SLIT1: variants seen among roughly 807,000 people sequenced by gnomAD.
The protein encoded by SLIT1 is slit homolog 1 protein.
A neutral mutation model predicts 186.1 loss-of-function variants in SLIT1; 66 were observed. The ratio of observed to expected loss-of-function variants is 0.35; its 90% CI spans 0.29 to 0.44. SLIT1 has a LOEUF of 0.44. SLIT1 is among the 20% of genes least tolerant of loss of function. The pLI, the probability that SLIT1 is intolerant of heterozygous loss-of-function variation, is 1.00. For missense variants in SLIT1, 1,638 were observed against 2,037.4 expected, an observed-to-expected ratio of 0.80 and a Z score of 3.77; for synonymous variants, 761 against 833.8, an observed-to-expected ratio of 0.91 and a Z score of 1.50.
chr10:97,065,611 C>T (rs1043650287), intron 5 of SLIT1: 25 of 184,572 alleles, frequency 1.4e-4, no homozygotes, highest in Non-Finnish European at 2.5e-4. Flanking sequence ...AACAATATAT[C>T]GAGGCTCAGC....
chr10:97,004,100 G>A lies in SLIT1; in HGVS notation c.3833C>T (p.Thr1278Met). The A allele has an allele frequency of 6.2e-7, 1 of 1,613,528 alleles. No individual in the cohort carries two copies. The highest frequency in any genetic ancestry group is 8.5e-7 in the Non-Finnish European group (1 of 1,179,484). The part of the protein sequence containing the change: ...MTMDNFGKHY[T>M]LNSEAPLYVG... ...ATAGAGTGGCGCCTCGCTGTTGAGC[G>A]TGTAATGTTTGCCAAAGTTGTCCAT... The change falls in exon 34 of 37, where the codon ACG becomes ATG. Residue 1278 changes from threonine (T) to methionine (M), a missense_variant. Thr to Met is a moderately conservative substitution (Grantham distance 81). Transcript: ENST00000266058. This position sits in a 1 kb window ranked among gnomAD's most constrained non-coding sequence, Gnocchi z 5.1.
chr10:97,089,519 GATGA>G (rs1849206994), intron 4 of SLIT1, among the ~76,000 whole-genome samples: 1 of 152,222 alleles, frequency 6.6e-6, no homozygotes, highest in Non-Finnish European at 1.5e-5. Context: ...AGACTCTGAA[GATGA>G]GTGTGAAGCC....
chr10:97,010,822 CTT>C lies in SLIT1; in HGVS notation c.3341+169_3341+170del, dbSNP rs941531654. Among the ~76,000 whole-genome samples, 1 of 152,218 alleles carries C rather than the reference CTT, an allele frequency of 6.6e-6. No individual in the cohort carries two copies. The highest frequency in any genetic ancestry group is 1.5e-5 in the Non-Finnish European group (1 of 68,022). On this transcript the variant is annotated intron_variant, in intron 31 of 36. Transcript: ENST00000266058. This position sits in a 1 kb window ranked among gnomAD's most constrained non-coding sequence, Gnocchi z 4.8. ...GCCTAGGCCCTGGGCAGTTACATGA[CTT>C]TCCCAAGGCTGCACAGCTGGTGACT...
intron 1 of SLIT1, among the ~76,000 whole-genome samples, chr10:97,166,569 G>GAGAGAGAGAGAGAGAGAAAGAAAGAA (rs1444883867): frequency 1.7e-5 from 1 of 58,912 alleles, no homozygotes; most frequent in Non-Finnish European, 3.4e-5. Context: ...GAGAGAGAGA[G>GAGAGAGAGAGAGAGAGAAAGAAAGAA]AGAAAGAAAG....
At chr10:97,070,507 C>T (rs1848992656) in intron 4 of SLIT1, among the ~76,000 whole-genome samples, 2 of 152,198 alleles carry the variant, frequency 1.3e-5, no homozygotes, top group South Asian at 4.1e-4. Flanking sequence ...TCTGAATTAT[C>T]GTTTCCTCTC....
At chr10:97,154,218 A>G (rs1289126058) in intron 4 of SLIT1, 1 of 152,230 alleles carries the variant, frequency 6.6e-6, no homozygotes, top group East Asian at 1.9e-4. Context: ...AAGGTGAAGA[A>G]CCCGGTAAGC....
At chr10:97,079,004 G>T (rs985948027) in intron 4 of SLIT1, among the ~76,000 whole-genome samples, 1 of 152,234 alleles carries the variant, frequency 6.6e-6, no homozygotes, top group Non-Finnish European at 1.5e-5. Context: ...GGAGGACAAA[G>T]AATTGATGTA....
At chr10:97,012,660 C>T (rs1019282981) in intron 30 of SLIT1, among the ~76,000 whole-genome samples, 4 of 152,220 alleles carry the variant, frequency 2.6e-5, no homozygotes, top group African/African-American at 9.6e-5. Context: ...CCCCTGGGAG[C>T]CCCCACAGGA....
chr10:97,001,820 C>T (rs1589358744), intron 36 of SLIT1, among the ~76,000 whole-genome samples: 1 of 152,154 alleles, frequency 6.6e-6, no homozygotes. Context: ...GAGTCCCCAA[C>T]CCTCGGACTT....
rs756996235 is a variant in SLIT1, at chr10:97,056,293, GAGA to G, written c.1301+25_1301+27del. The G allele has an allele frequency of 9.2e-4, 1,480 of 1,612,528 alleles. 2 individuals carry two copies. The highest frequency in any genetic ancestry group is 1.2e-3 in the Non-Finnish European group (1,359 of 1,178,742). On this transcript the variant is annotated intron_variant, in intron 13 of 36. Coordinates refer to ENST00000266058, the MANE Select transcript of SLIT1 (RefSeq NM_003061.3). ...CCCCCAGGCCCACCTGCTGGGAGGG[GAGA>G]AGAAGAAGGCATCAGGGCACTCACA...
intron 25 of SLIT1, among the ~76,000 whole-genome samples, chr10:97,023,492 G>C (rs1234890666): frequency 6.6e-6 from 1 of 152,086 alleles, no homozygotes; most frequent in Non-Finnish European, 1.5e-5. Context: ...CACTTACACT[G>C]GCCATCAGTA....
chr10:97,091,994 G>A (rs1303259904), intron 4 of SLIT1, among the ~76,000 whole-genome samples: 2 of 152,210 alleles, frequency 1.3e-5, no homozygotes, highest in East Asian at 1.9e-4. Flanking sequence ...GAAGGTTTTC[G>A]GCTAACCATT....
intron 3 of SLIT1, 103 bp downstream of exon 3, chr10:97,163,277 T>G (rs1589417351): frequency 2.1e-6 from 2 of 953,582 alleles, no homozygotes. Flanking sequence ...GGGCATGGGG[T>G]CCCCTCCCAT....
intron 1 of SLIT1, among the ~76,000 whole-genome samples, chr10:97,177,565 A>G (rs1276595952): frequency 6.6e-6 from 1 of 152,258 alleles, no homozygotes; most frequent in Non-Finnish European, 1.5e-5. Flanking sequence ...TGGAAGTTAG[A>G]AGTCCAAAAT....
chr10:97,126,155 G>T (rs1424354197), intron 4 of SLIT1, among the ~76,000 whole-genome samples: 1 of 152,206 alleles, frequency 6.6e-6, no homozygotes, highest in Non-Finnish European at 1.5e-5. Context: ...CTAGGTATTA[G>T]ATTTTTAATA....
In SLIT1 at chr10:97,006,524, T is replaced by C. The variant is rs781558828; in HGVS notation, c.3538A>G (p.Thr1180Ala). 6.2e-7 allele frequency: 1 copy of C among 1,614,050 alleles called. No homozygotes were observed. The highest frequency in any genetic ancestry group is 1.3e-5 in the African/African-American group (1 of 74,940). Residue 1180 changes from threonine to alanine, a missense_variant, in exon 32 of 37, where the codon ACT becomes GCT. This residue lies in a region of SLIT1 where 173 missense variants were observed against 290.9 expected (regional missense o/e 0.59). Coordinates refer to ENST00000266058, the MANE Select transcript of SLIT1 (RefSeq NM_003061.3). The surrounding 1 kb of genome is among the most constrained non-coding windows in gnomAD (Gnocchi z 4.0). ...GCCCGTGGCCAGTTTTGCAGGTCAG[T>C]GAACTGCAGGTAAGTGTCCCGATCC... ...FVDRDTYLQF[T>A]DLQNWPRANI...
At chr10:97,164,951 GCCCT>G in intron 1 of SLIT1, 61 bp from the exon 2 acceptor site, 1 of 1,344,252 alleles carries the variant, frequency 7.4e-7, no homozygotes, top group Non-Finnish European at 1.1e-6. Context: ...CAGGCCAGGG[GCCCT>G]GCTCCAGGTG....
rs1848513475 is a variant in SLIT1 at position 97,022,892 on chromosome 10, G to A, written c.2583-1479C>T. Reference sequence around the variant, plus strand: ...GCAGCTTGCTCCTTGTCACTAAACAGCACGTCTTGGGAATCTTCCTGGTCA... The same window carrying A: ...GCAGCTTGCTCCTTGTCACTAAACAACACGTCTTGGGAATCTTCCTGGTCA... On this transcript the variant is annotated intron_variant, in intron 25 of 36. Transcript: ENST00000266058. This position sits in a 1 kb window ranked among gnomAD's most constrained non-coding sequence, Gnocchi z 4.2. Among the ~76,000 whole-genome samples the A allele has an allele frequency of 6.6e-6, 1 of 152,166 alleles. No individual in the cohort carries two copies. The highest frequency in any genetic ancestry group is 1.5e-5 in the Non-Finnish European group (1 of 68,024).
chr10:97,017,093 G>A (rs1461438184), intron 28 of SLIT1, among the ~76,000 whole-genome samples: 1 of 152,188 alleles, frequency 6.6e-6, no homozygotes, highest in South Asian at 2.1e-4. Flanking sequence ...CCCGCAGCCC[G>A]CATTCTGTAA....
Sources: allele counts gnomAD v4.1 joint callset (sites outside exome capture counted in the v4.1 genomes callset), GRCh38; gene constraint gnomAD v4.1.1; regional missense constraint gnomAD v4.1.1; non-coding constraint Gnocchi (gnomAD v3.1); transcripts MANE v1.5; gene names NCBI Gene and HGNC (gene_info 2026-07-23, HGNC 2026-07-21).